Variants in FGF13 observed in about 807,000 individuals in gnomAD.
The protein encoded by FGF13 is fibroblast growth factor 13, also known as fibroblast growth factor homologous factor 2.
Under a neutral mutation model 19.5 loss-of-function variants are expected in FGF13, and 2 were observed. That is an observed-to-expected ratio of 0.10 (90% CI 0.04 to 0.32). FGF13 has a LOEUF of 0.32. Ranked by LOEUF, FGF13 falls within the 10% of genes least tolerant of loss-of-function variation. FGF13 has a pLI of 1.00. For missense variants in FGF13, 113 were observed against 192.7 expected (o/e 0.59, Z 2.45); for synonymous variants, 72 against 76.9 (o/e 0.94, Z 0.33).
downstream of FGF13, among the ~76,000 whole-genome samples, chrX:138,853,703 T>C (rs2091240063): frequency 9.1e-6 from 1 of 110,423 alleles, no homozygotes; most frequent in African/African-American, 3.3e-5. Context: ...GATAAAAAGA[T>C]GGTGACAAAT....
chrX:138,888,278 T>C (rs996228714), intron 1 of FGF13, among the ~76,000 whole-genome samples: 1 of 112,140 alleles, frequency 8.9e-6, no homozygotes, highest in Non-Finnish European at 1.9e-5. Context: ...AAATGCACTA[T>C]AAAATATTCT....
At chrX:138,731,895 T>A (rs1433722740) in intron 1 of FGF13, among the ~76,000 whole-genome samples, 1 of 111,100 alleles carries the variant, frequency 9.0e-6, no homozygotes, top group Non-Finnish European at 1.9e-5. Context: ...TGTGAACAAC[T>A]CAATAAGATA....
chrX:138,632,958 G>A lies in FGF13; in HGVS notation c.630C>T (p.His210=), dbSNP rs1213374199. The A allele has an allele frequency of 6.6e-6, 8 of 1,207,464 alleles. No individual in the cohort carries two copies. Among genetic ancestry groups the A allele is most frequent in the South Asian group, 5.3e-5 (3 of 56,488 alleles). ...CAGATCGGGAGAACTCCGTGAGATC[G>A]TGCAGTGATGGCTCCTTGTACATGG... The part of the protein sequence containing the change: ...KVAMYKEPSL[H]DLTEFSRSGS... The change falls in exon 5 of 5, where the codon CAC becomes CAT. Residue 210 remains histidine, a synonymous_variant. Coordinates refer to ENST00000315930, the MANE Select transcript of FGF13 (RefSeq NM_004114.5).
intron 1 of FGF13, among the ~76,000 whole-genome samples, chrX:138,878,521 T>C (rs1407107486): frequency 9.2e-6 from 1 of 108,433 alleles, no homozygotes; most frequent in Admixed American, 9.9e-5. Flanking sequence ...ATGGTGTATA[T>C]GTGCCACATT....
At chrX:138,957,454 G>A (rs765065767) in intron 1 of FGF13, among the ~76,000 whole-genome samples, 1 of 111,920 alleles carries the variant, frequency 8.9e-6, no homozygotes, top group South Asian at 3.8e-4. Flanking sequence ...GCCAGGTAGC[G>A]TGATGCCTCC....
intron 3 of FGF13, among the ~76,000 whole-genome samples, chrX:138,841,518 T>A (rs1269796632): frequency 1.8e-5 from 2 of 110,234 alleles, no homozygotes; most frequent in South Asian, 3.8e-4. Flanking sequence ...TTTTTAAAAA[T>A]TTTTTTTATT....
At chrX:138,634,188 A>C (rs2089154302) in intron 4 of FGF13, among the ~76,000 whole-genome samples, 1 of 111,071 alleles carries the variant, frequency 9.0e-6, no homozygotes, top group African/African-American at 3.3e-5. Flanking sequence ...AAGTGTACAC[A>C]CATTTTTTTT....
At chrX:139,050,303 TAATC>T (rs1209786097) in intron 1 of FGF13, among the ~76,000 whole-genome samples, 1 of 111,813 alleles carries the variant, frequency 8.9e-6, no homozygotes, top group Non-Finnish European at 1.9e-5. Flanking sequence ...TCCAAGACAA[TAATC>T]TATCTTCAAG....
At chrX:139,130,443 A>G (rs1370321048) in intron 1 of FGF13, among the ~76,000 whole-genome samples, 1 of 112,039 alleles carries the variant, frequency 8.9e-6, no homozygotes, top group South Asian at 3.7e-4. Flanking sequence ...GCAACTAAAA[A>G]CATGTGTTAA....
intron 1 of FGF13, among the ~76,000 whole-genome samples, chrX:138,958,574 T>G (rs2091852876): frequency 8.9e-6 from 1 of 112,060 alleles, no homozygotes; most frequent in African/African-American, 3.3e-5. Flanking sequence ...TTCTATTGAT[T>G]GGAATAGTTT....
intron 3 of FGF13, among the ~76,000 whole-genome samples, chrX:138,761,486 T>C (rs1420084573): frequency 3.6e-5 from 4 of 111,556 alleles, no homozygotes; most frequent in Non-Finnish European, 3.8e-5. Flanking sequence ...TAAGGAGCCA[T>C]GCTGCCATCC....
At chrX:138,759,943 T>G (rs565846232) in intron 3 of FGF13, among the ~76,000 whole-genome samples, 1 of 111,656 alleles carries the variant, frequency 9.0e-6, no homozygotes, top group Admixed American at 9.5e-5. Flanking sequence ...CCAGTGATTT[T>G]ATGAATGAAA....
intron 3 of FGF13, among the ~76,000 whole-genome samples, chrX:138,653,934 C>T (rs755209088): frequency 2.7e-5 from 3 of 111,906 alleles, no homozygotes; most frequent in Non-Finnish European, 5.6e-5. Flanking sequence ...AAAATCTGAA[C>T]TAATGGCAAA....
intron 3 of FGF13, among the ~76,000 whole-genome samples, chrX:138,686,820 GCTGA>G (rs2089787922): frequency 9.0e-6 from 1 of 111,684 alleles, no homozygotes; most frequent in South Asian, 3.7e-4. Flanking sequence ...CCTCTTAAAG[GCTGA>G]CTTAGTATTC....
chrX:138,974,277 G>A (rs749488598), intron 1 of FGF13, among the ~76,000 whole-genome samples: 2 of 111,830 alleles, frequency 1.8e-5, no homozygotes, highest in African/African-American at 6.5e-5. Context: ...GAAAATAAAG[G>A]AAACTAAGGA....
At chrX:138,801,982 G>A (rs1435649558) in intron 3 of FGF13, among the ~76,000 whole-genome samples, 1 of 112,300 alleles carries the variant, frequency 8.9e-6, no homozygotes, top group Non-Finnish European at 1.9e-5. Flanking sequence ...GCTGGCAGCA[G>A]GAATTTCAAG....
intron 1 of FGF13, among the ~76,000 whole-genome samples, chrX:139,110,834 G>A (rs1005529267): frequency 7.2e-5 from 8 of 111,295 alleles, no homozygotes; most frequent in African/African-American, 2.6e-4. Flanking sequence ...AGCAGTGGTG[G>A]TGGCTTCTTC....
intron 3 of FGF13, among the ~76,000 whole-genome samples, chrX:138,823,651 C>T (rs974074300): frequency 2.2e-4 from 24 of 111,407 alleles, no homozygotes; most frequent in African/African-American, 7.8e-4. Flanking sequence ...AGTTCAATTC[C>T]CCTATACAAT....
At chrX:138,845,313 C>A (rs1245827586) in intron 3 of FGF13, among the ~76,000 whole-genome samples, 2 of 111,363 alleles carry the variant, frequency 1.8e-5, no homozygotes, top group Non-Finnish European at 3.8e-5. Flanking sequence ...CTGGCTTGTG[C>A]AAGACACTCA....
Sources: allele counts gnomAD v4.1 joint callset (sites outside exome capture counted in the v4.1 genomes callset), GRCh38; gene constraint gnomAD v4.1.1; transcripts MANE v1.5; gene names NCBI Gene and HGNC (gene_info 2026-07-23, HGNC 2026-07-21).